CHD6: variants seen among roughly 807,000 people sequenced by gnomAD.
CHD6 encodes the protein chromodomain helicase DNA binding protein 6.
In CHD6, 50 loss-of-function variants were observed where a neutral mutation model predicts 276.9. The ratio of observed to expected loss-of-function variants is 0.18; its 90% CI spans 0.14 to 0.23. The LOEUF (loss-of-function observed/expected upper bound fraction) is 0.23, where lower values mean the gene tolerates loss of function less well. Ranked by LOEUF, CHD6 falls within the 10% of genes least tolerant of loss-of-function variation. The probability of loss-of-function intolerance (pLI) is 1.00; values close to 1 mark genes in which losing one functional copy is unlikely to be tolerated. For synonymous variants in CHD6, 1,173 were observed against 1,229.3 expected, an observed-to-expected ratio of 0.95 and a Z score of 0.96; for missense variants, 2,564 against 3,365.8, an observed-to-expected ratio of 0.76 and a Z score of 5.89.
Position 41,421,573 on chromosome 20 carries a change from C to T in CHD6, c.5062G>A (p.Asp1688Asn). The change falls in exon 31 of 37, where the codon GAT (aspartate) becomes AAT (asparagine). Residue 1688 changes from aspartate to asparagine, a missense_variant. Asp to Asn is a conservative substitution (Grantham distance 23). Around this residue, in one of 7 missense-constraint regions of CHD6, gnomAD observed 1,024 missense variants for 1,047.9 expected, o/e 0.98. Coordinates refer to ENST00000373233, the MANE Select transcript of CHD6 (RefSeq NM_032221.5). ...TCENFISKVQ[D>N]VISINHDESL... ...TCATCATGGTTGATGGAAATGACAT[C>T]CTGAACTTTAGAAATAAAGTTTTCA... is the stretch of plus-strand genomic sequence containing the variant. 1 of 1,613,702 alleles carries T rather than the reference C, an allele frequency of 6.2e-7. No individual in the cohort carries two copies. The highest frequency in any genetic ancestry group is 8.5e-7 in the Non-Finnish European group (1 of 1,179,814).
chr20:41,423,177 C>A (rs1312615776), intron 30 of CHD6, among the ~76,000 whole-genome samples: 1 of 152,102 alleles, frequency 6.6e-6, no homozygotes, highest in African/African-American at 2.4e-5. Context: ...TAAATCTGAA[C>A]ATGACTTAAA....
In CHD6 at chr20:41,404,539, C is replaced by A; in HGVS notation, c.*54G>T. The A allele has an allele frequency of 6.8e-7, 1 of 1,461,180 alleles. No homozygotes were observed. The highest frequency in any genetic ancestry group is 9.1e-7 in the Non-Finnish European group (1 of 1,104,778). 90.5% of individuals were successfully genotyped at this position (1,461,180 alleles called of 1,614,324 possible). A position where few individuals can be genotyped will look rare whatever the true frequency, so the allele number is the denominator to read the frequency against. ...AGGTGAAGTGAGGGAAGTAACAAAC[C>A]TTTATGGGATAAGAAACTTACAAGT... is the stretch of plus-strand genomic sequence containing the variant. On this transcript the variant is annotated 3_prime_UTR_variant, in exon 37 of 37. Transcript: ENST00000373233.
At chr20:41,490,072 T>C (rs375184568) in intron 11 of CHD6, 51 bp from the exon 12 acceptor site, 30 of 1,512,100 alleles carry the variant, frequency 2.0e-5, no homozygotes, top group South Asian at 4.6e-5. Flanking sequence ...AGGAAACTTA[T>C]AGAGGCTGGT....
chr20:41,505,911 A>AC (rs1280181718), intron 5 of CHD6, among the ~76,000 whole-genome samples: 2 of 151,550 alleles, frequency 1.3e-5, no homozygotes, highest in African/African-American at 4.9e-5. Context: ...CCCCTTTCCT[A>AC]CCCCTCCTAC....
intron 1 of CHD6, among the ~76,000 whole-genome samples, chr20:41,607,457 AAC>A (rs1184668709): frequency 6.6e-6 from 1 of 152,232 alleles, no homozygotes. Context: ...GAATGACTGA[AAC>A]ACAATGAATT....
intron 1 of CHD6, among the ~76,000 whole-genome samples, chr20:41,610,116 A>G (rs906701633): frequency 2.0e-5 from 3 of 152,018 alleles, no homozygotes; most frequent in Non-Finnish European, 4.4e-5. Flanking sequence ...CTCACCTCCC[A>G]AAGTGTTGGG....
At chr20:41,514,738 G>C (rs117347751) in intron 4 of CHD6, 67 bp downstream of exon 4, 1 of 1,550,588 alleles carries the variant, frequency 6.4e-7, no homozygotes, top group Non-Finnish European at 8.8e-7. Flanking sequence ...GGAGCAACAC[G>C]ATCAGTGTCA....
In CHD6 at chr20:41,405,255, C is replaced by A. The variant is rs1202957087; in HGVS notation, c.7486G>T (p.Val2496Leu). 1 of 1,614,114 alleles carries A rather than the reference C, an allele frequency of 6.2e-7. No individual in the cohort carries two copies. Among genetic ancestry groups the A allele is most frequent in the Non-Finnish European group, 8.5e-7 (1 of 1,180,060 alleles). The change falls in exon 37 of 37, where the codon GTG becomes TTG. Residue 2496 changes from valine (V) to leucine (L), a missense_variant. By Grantham distance (32) the Val-to-Leu change is conservative. This residue lies in a region of CHD6 where 25 missense variants were observed against 50.8 expected (regional missense o/e 0.49). Coordinates refer to ENST00000373233, the MANE Select transcript of CHD6 (RefSeq NM_032221.5). ...GTGGCAAAGCCAGCTGGAAACCCCACCAGCCCGGTGAGGGGGATGCCTGGC... is the reference window on the plus strand; with the variant it reads ...GTGGCAAAGCCAGCTGGAAACCCCAACAGCCCGGTGAGGGGGATGCCTGGC... ...NMPGIPLTGL[V>L]GFPAGFATMP...
intron 1 of CHD6, among the ~76,000 whole-genome samples, chr20:41,561,769 G>A (rs2045303839): frequency 1.3e-5 from 2 of 152,176 alleles, no homozygotes; most frequent in Non-Finnish European, 2.9e-5. Context: ...AATTTTGAGA[G>A]CACTACTCCA....
At position 41,484,830 on chromosome 20, in the gene CHD6, T is replaced by A. The variant is rs189271359; in HGVS notation, c.2002-223A>T. Among the ~76,000 whole-genome samples, 3 of 152,270 alleles carry A rather than the reference T, an allele frequency of 2.0e-5. No homozygotes were observed. In the East Asian group the frequency reaches 5.8e-4, roughly 29 times the overall value. On this transcript the variant is annotated intron_variant, in intron 14 of 36. Transcript: ENST00000373233. ...TCACAAGCAATTACTGAGAATCTAG[T>A]GGCAATCTCAGAAGATAAAAAGGGA...
chr20:41,555,887 A>G (rs899796785), intron 1 of CHD6, among the ~76,000 whole-genome samples: 2 of 150,616 alleles, frequency 1.3e-5, no homozygotes, highest in African/African-American at 4.8e-5. Flanking sequence ...GTACTTTGGG[A>G]GGCCAAGGCA....
intron 25 of CHD6, among the ~76,000 whole-genome samples, chr20:41,444,532 T>C (rs2048004940): frequency 6.6e-6 from 1 of 152,182 alleles, no homozygotes; most frequent in Non-Finnish European, 1.5e-5. Context: ...AAGCCTGCAT[T>C]CTCAATACCA....
intron 2 of CHD6, chr20:41,547,584 GGTCTAAGGATTACA>G (rs1354227196): frequency 1.9e-6 from 1 of 533,920 alleles, no homozygotes; most frequent in African/African-American, 1.9e-5. Context: ...TGACTGGAAG[GGTCTAAGGATTACA>G]GTGAAACTGA....
At chr20:41,553,619 G>A (rs1488083203) in intron 1 of CHD6, among the ~76,000 whole-genome samples, 3 of 152,222 alleles carry the variant, frequency 2.0e-5, no homozygotes, top group Non-Finnish European at 4.4e-5. Flanking sequence ...ACGGCAGTGA[G>A]GATGATCCAA....
chr20:41,470,254 C>T (rs1041529813), intron 17 of CHD6, among the ~76,000 whole-genome samples: 4 of 152,102 alleles, frequency 2.6e-5, no homozygotes, highest in Non-Finnish European at 4.4e-5. Context: ...TTTTTATAGC[C>T]CACCAGTCCC....
chr20:41,555,853 G>A (rs543981530), intron 1 of CHD6, among the ~76,000 whole-genome samples: 27 of 150,774 alleles, frequency 1.8e-4, no homozygotes, highest in Middle Eastern at 3.7e-3. Context: ...ACGGGGTGGC[G>A]GCTGGGCAGA....
Position 41,425,184 on chromosome 20 carries a change from T to A in CHD6, c.4340A>T (p.Gln1447Leu), listed in dbSNP as rs1034950529. ...SEMDLINKEA[Q>L]KRWTRREQAD... ...TTTGGCCACTGGCTTTTACCTCTTTTGGGCTTCCTTGTTGATGAGGTCCAT... is the reference window on the plus strand; with the variant it reads ...TTTGGCCACTGGCTTTTACCTCTTTAGGGCTTCCTTGTTGATGAGGTCCAT... Residue 1447 changes from glutamine to leucine, a missense_variant, in exon 29 of 37, where the codon CAA becomes CTA. Coordinates refer to ENST00000373233, the MANE Select transcript of CHD6 (RefSeq NM_032221.5). 2 of 1,613,978 alleles carry A rather than the reference T, an allele frequency of 1.2e-6. No individual in the cohort carries two copies. The highest frequency in any genetic ancestry group is 1.7e-6 in the Non-Finnish European group (2 of 1,179,914).
intron 2 of CHD6, among the ~76,000 whole-genome samples, chr20:41,538,375 A>G (rs2044876588): frequency 6.6e-6 from 1 of 152,130 alleles, no homozygotes; most frequent in African/African-American, 2.4e-5. Context: ...TAAAAAAATA[A>G]AAAAGGAGTG....
At chr20:41,516,931 G>C (rs1568665097) in intron 3 of CHD6, among the ~76,000 whole-genome samples, 2 of 152,172 alleles carry the variant, frequency 1.3e-5, no homozygotes, top group Non-Finnish European at 2.9e-5. Flanking sequence ...CATCAGGAGA[G>C]TTAGTAGAAA....
Sources: gnomAD v4.1 joint callset for allele counts (sites outside exome capture counted in the v4.1 genomes callset) on GRCh38, gnomAD v4.1.1 for gene constraint, gnomAD v4.1.1 regional missense constraint, MANE v1.5 for transcripts, NCBI Gene and HGNC (gene_info 2026-07-23, HGNC 2026-07-21) for gene names.